CHD7: variants seen among roughly 807,000 people sequenced by gnomAD.
CHD7 encodes chromodomain helicase DNA binding protein 7.
Under a neutral mutation model 307.3 loss-of-function variants are expected in CHD7, and 24 were observed. The ratio of observed to expected loss-of-function variants is 0.08; its 90% CI spans 0.06 to 0.11. CHD7 has a LOEUF of 0.11. CHD7 is among the 10% of genes least tolerant of loss of function. The pLI, the probability that CHD7 is intolerant of heterozygous loss-of-function variation, is 1.00. For synonymous variants in CHD7, 1,363 were observed against 1,349.9 expected (o/e 1.01, Z -0.21); for missense variants, 3,106 against 3,727.1 (o/e 0.83, Z 4.34).
At chr8:60,723,505 A>G (rs534227518) in intron 1 of CHD7, among the ~76,000 whole-genome samples, 2 of 152,360 alleles carry the variant, frequency 1.3e-5, no homozygotes, top group South Asian at 4.1e-4. Context: ...GAATGATGGC[A>G]TAGAGAACAC....
chr8:60,829,139 G>A (rs777231246), intron 14 of CHD7, among the ~76,000 whole-genome samples: 2 of 152,196 alleles, frequency 1.3e-5, no homozygotes, highest in African/African-American at 2.4e-5. Flanking sequence ...CGCCACTGAC[G>A]TTGGTAGGCC....
At position 60,704,710 on chromosome 8, in the gene CHD7, G is replaced by C. The variant is rs375912040; in HGVS notation, c.-175+25628G>C. ...TAAAATAAAAAAGATTTGATGATGAGTTGGGTGTGGGAAACCACAGGGGCA... is the reference window on the plus strand; with the variant it reads ...TAAAATAAAAAAGATTTGATGATGACTTGGGTGTGGGAAACCACAGGGGCA... On this transcript the variant is annotated intron_variant, in intron 1 of 37. Transcript: ENST00000423902. 6.4e-4 allele frequency among the ~76,000 whole-genome samples: 98 copies of C among 152,084 alleles called. 1 individual carries two copies. In the South Asian group the frequency reaches 0.019, roughly 30 times the overall value.
chr8:60,830,688 C>T (rs1804469144), intron 15 of CHD7, 111 bp downstream of exon 15: 1 of 1,236,732 alleles, frequency 8.1e-7, no homozygotes, highest in African/African-American at 1.5e-5. Context: ...TGTCTCCTGT[C>T]CACTCAGCAT....
At chr8:60,768,186 C>T (rs997966495) in intron 2 of CHD7, among the ~76,000 whole-genome samples, 1 of 152,126 alleles carries the variant, frequency 6.6e-6, no homozygotes, top group African/African-American at 2.4e-5. Flanking sequence ...ATACTTCATT[C>T]CTTACTCCAT....
chr8:60,819,488 C>T (rs530380310), intron 8 of CHD7, among the ~76,000 whole-genome samples: 19 of 152,282 alleles, frequency 1.2e-4, no homozygotes, highest in African/African-American at 3.4e-4. Flanking sequence ...TATTGGTTGA[C>T]AAATACTACC....
intron 3 of CHD7, among the ~76,000 whole-genome samples, chr8:60,792,399 T>C (rs896963222): frequency 1.3e-5 from 2 of 151,254 alleles, no homozygotes; most frequent in Non-Finnish European, 3.0e-5. Context: ...ATTTTGTTGC[T>C]TTTTTTTTGA....
At position 60,836,198 on chromosome 8, in the gene CHD7, C is replaced by T; in HGVS notation, c.3904C>T (p.Leu1302=). The change falls in exon 16 of 38, where the codon CTG becomes TTG. Residue 1302 remains leucine, a synonymous_variant. Transcript: ENST00000423902. Reference sequence around the variant, plus strand: ...GCTGATTGACAAGCTGCTGCCAAAACTGAAGGCTGGTGGCCACAGGGTGCT... The same window carrying T: ...GCTGATTGACAAGCTGCTGCCAAAATTGAAGGCTGGTGGCCACAGGGTGCT... ...LVLIDKLLPK[L]KAGGHRVLIF... The T allele has an allele frequency of 6.2e-7, 1 of 1,613,986 alleles. No homozygotes were observed. The highest frequency in any genetic ancestry group is 1.3e-5 in the African/African-American group (1 of 75,052).
intron 1 of CHD7, among the ~76,000 whole-genome samples, chr8:60,720,988 G>A (rs1039513395): frequency 6.6e-6 from 1 of 152,192 alleles, no homozygotes. Context: ...TCCGTTGGCG[G>A]CTGCTGCTTT....
At chr8:60,731,409 A>G (rs1156330403) in intron 1 of CHD7, among the ~76,000 whole-genome samples, 1 of 152,196 alleles carries the variant, frequency 6.6e-6, no homozygotes, top group Non-Finnish European at 1.5e-5. Flanking sequence ...TAAGATGGAA[A>G]ATACATTAAA....
chr8:60,748,197 G>A (rs556839484), intron 2 of CHD7, among the ~76,000 whole-genome samples: 6 of 152,284 alleles, frequency 3.9e-5, no homozygotes, highest in East Asian at 1.9e-4. Flanking sequence ...TAAAGTGGGC[G>A]AGGTGGGGGT....
chr8:60,787,934 C>T (rs976942431), intron 3 of CHD7, among the ~76,000 whole-genome samples: 3 of 151,348 alleles, frequency 2.0e-5, no homozygotes, highest in African/African-American at 7.3e-5. Flanking sequence ...GATTCTACTG[C>T]CTCAGCCTCC....
At position 60,867,768 on chromosome 8, in the gene CHD7, GAAAC is replaced by G. The variant is rs1294871417; in HGVS notation, c.*1838_*1841del. On this transcript the variant is annotated 3_prime_UTR_variant, in exon 38 of 38. Coordinates refer to ENST00000423902, the MANE Select transcript of CHD7 (RefSeq NM_017780.4). ...TATGCCCCTTAATGATTCTGGGAAA[GAAAC>G]AACCTGAACCCTCCACCTTACAGAT... The G allele has an allele frequency of 6.6e-6, 1 of 152,146 alleles. No homozygotes were observed. The highest frequency in any genetic ancestry group is 1.5e-5 in the Non-Finnish European group (1 of 68,026). 9.4% of individuals were successfully genotyped at this position (152,146 alleles called of 1,614,324 possible). A position where few individuals can be genotyped will look rare whatever the true frequency, so the allele number is the denominator to read the frequency against.
intron 19 of CHD7, among the ~76,000 whole-genome samples, chr8:60,841,310 C>G (rs1185446607): frequency 6.6e-6 from 1 of 152,232 alleles, no homozygotes; most frequent in Non-Finnish European, 1.5e-5. Flanking sequence ...TAGAATGGTT[C>G]AGGCATCATT....
chr8:60,692,626 G>C (rs1245446087), intron 1 of CHD7, among the ~76,000 whole-genome samples: 1 of 152,192 alleles, frequency 6.6e-6, no homozygotes, highest in Non-Finnish European at 1.5e-5. Context: ...AAGGCATAAA[G>C]GAAGCACATA....
intron 2 of CHD7, among the ~76,000 whole-genome samples, chr8:60,759,252 C>T (rs558262453): frequency 6.2e-4 from 95 of 152,240 alleles, no homozygotes; most frequent in African/African-American, 2.2e-3. Flanking sequence ...GGGGTGCTGG[C>T]CACCACTGCC....
intron 2 of CHD7, among the ~76,000 whole-genome samples, chr8:60,780,687 C>T (rs1322009226): frequency 1.3e-5 from 2 of 152,206 alleles, no homozygotes; most frequent in African/African-American, 2.4e-5. Context: ...TTTTGCCATT[C>T]ACCATTTTCA....
At chr8:60,837,068 T>C in intron 17 of CHD7, 56 bp downstream of exon 17, 1 of 1,368,696 alleles carries the variant, frequency 7.3e-7, no homozygotes, top group Admixed American at 1.9e-5. Context: ...CTGCTTACTA[T>C]GACAGAGAGT....
intron 1 of CHD7, among the ~76,000 whole-genome samples, chr8:60,700,846 G>A (rs1806725585): frequency 6.6e-6 from 1 of 152,322 alleles, no homozygotes; most frequent in Middle Eastern, 3.4e-3. Context: ...TAAGTGCAAT[G>A]AGGACGATGA....
chr8:60,728,721 A>G (rs756095702), intron 1 of CHD7, among the ~76,000 whole-genome samples: 3 of 152,240 alleles, frequency 2.0e-5, no homozygotes, highest in Non-Finnish European at 2.9e-5. Context: ...AATATAGTCT[A>G]TATTTACAGG....
Sources: allele counts gnomAD v4.1 joint callset (sites outside exome capture counted in the v4.1 genomes callset), GRCh38; gene constraint gnomAD v4.1.1; transcripts MANE v1.5; gene names NCBI Gene and HGNC (gene_info 2026-07-23, HGNC 2026-07-21).